Variants in LMCD1 observed in about 807,000 individuals in gnomAD.
LMCD1 encodes the protein LIM and cysteine rich domains 1.
Under a neutral mutation model 42.7 loss-of-function variants are expected in LMCD1, and 32 were observed. The ratio of observed to expected loss-of-function variants is 0.75; its 90% confidence interval spans 0.57 to 1.01. The LOEUF is 1.01. Among genes scored for constraint, LMCD1 ranks in the 50% least tolerant of loss-of-function variants. The probability of loss-of-function intolerance (pLI) is 0.00; values close to 1 mark genes in which losing one functional copy is unlikely to be tolerated. For missense variants in LMCD1, 458 were observed against 483.1 expected (o/e 0.95, Z 0.49); for synonymous variants, 178 against 184.9 (o/e 0.96, Z 0.30).
chr3:8,504,253 A>T (rs911045479), intron 1 of LMCD1, among the ~76,000 whole-genome samples: 4 of 152,226 alleles, frequency 2.6e-5, no homozygotes, highest in African/African-American at 9.6e-5. Flanking sequence ...CACAGAAGTG[A>T]TTAAGTACTA....
intron 3 of LMCD1, among the ~76,000 whole-genome samples, chr3:8,544,069 C>T (rs1694686920): frequency 6.6e-6 from 1 of 152,148 alleles, no homozygotes. Context: ...ACTATCTTGG[C>T]CTCTTTGACA....
chr3:8,516,614 G>A (rs73127962), intron 1 of LMCD1, among the ~76,000 whole-genome samples: 7,059 of 152,170 alleles, frequency 0.046, 291 homozygotes, highest in African/African-American at 0.1. Context: ...CTTAATATCA[G>A]CACCTCTCAG....
chr3:8,502,279 AAT>A (rs1181342710), intron 1 of LMCD1, among the ~76,000 whole-genome samples: 25 of 45,882 alleles, frequency 5.4e-4, no homozygotes, highest in Non-Finnish European at 9.6e-4. Flanking sequence ...ATATATATAA[AAT>A]ATATATAATA....
chr3:8,510,543 A>G (rs1693975705), intron 1 of LMCD1, among the ~76,000 whole-genome samples: 1 of 152,202 alleles, frequency 6.6e-6, no homozygotes, highest in South Asian at 2.1e-4. Context: ...GAAATTTAGC[A>G]TTTCTTTCTA....
intron 5 of LMCD1, among the ~76,000 whole-genome samples, chr3:8,565,881 A>T (rs1362310921): frequency 6.6e-6 from 1 of 152,262 alleles, no homozygotes; most frequent in Non-Finnish European, 1.5e-5. Context: ...TGTCCTTGGC[A>T]TAATGCCTAG....
At chr3:8,535,041 C>T (rs1186180179) in intron 2 of LMCD1, among the ~76,000 whole-genome samples, 1 of 152,188 alleles carries the variant, frequency 6.6e-6, no homozygotes, top group Non-Finnish European at 1.5e-5. Flanking sequence ...TCATCTAGTT[C>T]CATTTATGGA....
At chr3:8,510,602 T>C (rs1436909999) in intron 1 of LMCD1, among the ~76,000 whole-genome samples, 1 of 152,216 alleles carries the variant, frequency 6.6e-6, no homozygotes, top group African/African-American at 2.4e-5. Flanking sequence ...CCTATGCCTT[T>C]GATACCAATG....
In LMCD1 at chr3:8,501,920, T is replaced by TC; in HGVS notation, c.-14dup. The TC allele has an allele frequency of 6.3e-7, 1 of 1,584,414 alleles. No homozygotes were observed. The highest frequency in any genetic ancestry group is 1.8e-5 in the Admixed American group (1 of 55,794). On this transcript the variant is annotated 5_prime_UTR_variant, in exon 1 of 6. Transcript: ENST00000157600. ...CTCTGCCTGAGAAGCCAGGCGCTGT[T>TC]CCCCCACCCCAGAAGAGGATGGCAA... is the stretch of plus-strand genomic sequence containing the variant.
At chr3:8,545,139 T>G (rs906914646) in intron 3 of LMCD1, among the ~76,000 whole-genome samples, 2 of 152,192 alleles carry the variant, frequency 1.3e-5, no homozygotes, top group African/African-American at 4.8e-5. Flanking sequence ...TGCATATTTT[T>G]TAATTAATAA....
chr3:8,545,416 A>T (rs528601007), intron 3 of LMCD1, among the ~76,000 whole-genome samples: 4 of 152,218 alleles, frequency 2.6e-5, no homozygotes, highest in African/African-American at 4.8e-5. Flanking sequence ...GGCATCTCTC[A>T]GGTATTAGCA....
At position 8,568,522 on chromosome 3, in the gene LMCD1, T is replaced by TG. The variant is rs1346544693; in HGVS notation, c.*927dup. On this transcript the variant is annotated 3_prime_UTR_variant, in exon 6 of 6. Coordinates refer to ENST00000157600, the MANE Select transcript of LMCD1 (RefSeq NM_014583.4). ...GCCACATGGGATGTGGTGACTAATG[T>TG]GGGCAGATCTTTAAAAATACAGCAC... 6.6e-6 allele frequency: 1 copy of TG among 152,238 alleles called. No individual in the cohort carries two copies. The highest frequency in any genetic ancestry group is 2.4e-5 in the African/African-American group (1 of 41,468). 9.4% of individuals were successfully genotyped at this position (152,238 alleles called of 1,614,324 possible). A position where few individuals can be genotyped will look rare whatever the true frequency, so the allele number is the denominator to read the frequency against.
intron 1 of LMCD1, among the ~76,000 whole-genome samples, chr3:8,528,265 T>C (rs1359918066): frequency 6.6e-6 from 1 of 152,180 alleles, no homozygotes; most frequent in Non-Finnish European, 1.5e-5. Flanking sequence ...CATAGCTCAC[T>C]GCAGCCTTAA....
At chr3:8,551,844 C>T (rs188926723) in intron 4 of LMCD1, among the ~76,000 whole-genome samples, 4 of 152,310 alleles carry the variant, frequency 2.6e-5, no homozygotes, top group Admixed American at 2.6e-4. Flanking sequence ...CATAAAAGGG[C>T]AGCATAGAAC....
chr3:8,505,179 C>T (rs992892163), intron 1 of LMCD1, among the ~76,000 whole-genome samples: 1 of 152,192 alleles, frequency 6.6e-6, no homozygotes, highest in Admixed American at 6.5e-5. Flanking sequence ...TGAATGAGGA[C>T]ACTTTTATTT....
intron 4 of LMCD1, among the ~76,000 whole-genome samples, chr3:8,551,700 T>C (rs184286375): frequency 5.5e-4 from 83 of 152,250 alleles, no homozygotes; most frequent in African/African-American, 1.9e-3. Flanking sequence ...CCACAGACAG[T>C]GTGTTCCCAG....
chr3:8,510,006 T>G (rs947452118), intron 1 of LMCD1, among the ~76,000 whole-genome samples: 2 of 152,094 alleles, frequency 1.3e-5, no homozygotes, highest in Admixed American at 6.5e-5. Context: ...AGCTGAATGT[T>G]TGGGTTGTAT....
intron 1 of LMCD1, among the ~76,000 whole-genome samples, chr3:8,531,170 T>C (rs946265759): frequency 6.6e-6 from 1 of 152,200 alleles, no homozygotes; most frequent in Non-Finnish European, 1.5e-5. Flanking sequence ...GCTTGTATTT[T>C]CCCTCTTAAA....
At chr3:8,511,092 G>A (rs1452292467) in intron 1 of LMCD1, among the ~76,000 whole-genome samples, 1 of 152,146 alleles carries the variant, frequency 6.6e-6, no homozygotes, top group Non-Finnish European at 1.5e-5. Context: ...AGTCATATTA[G>A]TTCTGAGCCT....
At chr3:8,527,613 G>C (rs534895527) in intron 1 of LMCD1, among the ~76,000 whole-genome samples, 1 of 152,274 alleles carries the variant, frequency 6.6e-6, no homozygotes, top group East Asian at 1.9e-4. Context: ...TAAATAACAA[G>C]TCATGTTGAC....
Sources: allele counts gnomAD v4.1 joint callset (sites outside exome capture counted in the v4.1 genomes callset), GRCh38; gene constraint gnomAD v4.1.1; transcripts MANE v1.5; gene names NCBI Gene and HGNC (gene_info 2026-07-23, HGNC 2026-07-21).